TTC6: variants seen among roughly 807,000 people sequenced by gnomAD.
TTC6 encodes tetratricopeptide repeat protein 6.
Under a neutral mutation model 210.4 loss-of-function variants are expected in TTC6, and 172 were observed. The ratio of observed to expected loss-of-function variants is 0.82; its 90% CI spans 0.72 to 0.93. The LOEUF (loss-of-function observed/expected upper bound fraction) is 0.93, where lower values mean the gene tolerates loss of function less well. Ranked by LOEUF, TTC6 falls within the 40% of genes least tolerant of loss-of-function variation. TTC6 has a pLI of 0.00. For synonymous variants in TTC6, 804 were observed against 819.6 expected, an observed-to-expected ratio of 0.98 and a Z score of 0.32; for missense variants, 2,414 against 2,318.1, an observed-to-expected ratio of 1.04 and a Z score of -0.85.
intron 1 of TTC6, among the ~76,000 whole-genome samples, chr14:37,651,299 C>T (rs1165418783): frequency 6.8e-6 from 1 of 147,566 alleles, no homozygotes; most frequent in Non-Finnish European, 1.5e-5. Flanking sequence ...AGATTCCTGT[C>T]ATTATCCATT....
chr14:37,616,140 G>C (rs2095642283), intron 2 of TTC6, among the ~76,000 whole-genome samples: 1 of 152,188 alleles, frequency 6.6e-6, no homozygotes, highest in Admixed American at 6.5e-5. Flanking sequence ...CTTTGAGTTT[G>C]TCCTGCATAT....
chr14:37,841,728 G>A (rs914204497), intron 30 of TTC6, 58 bp downstream of exon 32: 5 of 1,349,244 alleles, frequency 3.7e-6, no homozygotes, highest in East Asian at 4.8e-5. Flanking sequence ...TTATTTTTAG[G>A]CTACAAAAGA....
intron 1 of TTC6, among the ~76,000 whole-genome samples, chr14:37,665,126 G>T (rs2095745268): frequency 6.7e-6 from 1 of 150,372 alleles, no homozygotes; most frequent in Non-Finnish European, 1.5e-5. Flanking sequence ...AATACCATTT[G>T]ACCCAGCAAT....
chr14:37,796,261 C>T (rs773230452), intron 18 of TTC6, 33 bp from the exon 21 acceptor site: 1 of 939,642 alleles, frequency 1.1e-6, no homozygotes, highest in Admixed American at 2.7e-5. Flanking sequence ...TAATTTTTAG[C>T]TGCTTAGAAT....
chr14:37,625,225 C>G (rs1297613069), intron 1 of TTC6, among the ~76,000 whole-genome samples: 1 of 151,990 alleles, frequency 6.6e-6, no homozygotes, highest in Non-Finnish European at 1.5e-5. Flanking sequence ...TGAAATGGCA[C>G]TGGGTGGTAG....
chr14:37,653,428 C>T (rs1211494472), intron 1 of TTC6, among the ~76,000 whole-genome samples: 1 of 152,140 alleles, frequency 6.6e-6, no homozygotes, highest in Non-Finnish European at 1.5e-5. Flanking sequence ...GGGGTCTGGA[C>T]TGATTGTCTT....
chr14:37,824,948 A>G (rs1170606735), intron 27 of TTC6, among the ~76,000 whole-genome samples: 1 of 152,132 alleles, frequency 6.6e-6, no homozygotes, highest in Non-Finnish European at 1.5e-5. Context: ...TGTGAATTGC[A>G]TTAATAGGAG....
At chr14:37,782,824 G>A (rs968108923) in intron 14 of TTC6, among the ~76,000 whole-genome samples, 12 of 152,178 alleles carry the variant, frequency 7.9e-5, no homozygotes, top group African/African-American at 2.2e-4. Context: ...TTTATTTAGC[G>A]TTTTTAGCAT....
chr14:37,817,605 C>T (rs372277902), exon 26 of TTC6: 97 of 1,613,922 alleles, frequency 6.0e-5, no homozygotes, highest in Admixed American at 3.0e-4. Context: ...ACTGATAAGC[C>T]GGACTAACGG....
chr14:37,666,446 C>CAAA lies in TTC6; in HGVS notation c.940-13691_940-13689dup, dbSNP rs11416752. Among the ~76,000 whole-genome samples the CAAA allele has an allele frequency of 2.6e-3, 318 of 122,084 alleles. 6 individuals carry two copies. The highest frequency in any genetic ancestry group is 8.7e-3 in the African/African-American group (301 of 34,460). 80.1% of individuals were successfully genotyped at this position (122,084 alleles called of 152,430 possible). ...TGAGCAACATAGTGAGGCCCTGTCT[C>CAAA]AAAAAAAAAAAAAAAAGATGAAAGC... On this transcript the variant is annotated intron_variant, in intron 1 of 30. Coordinates refer to ENST00000553443, the Ensembl canonical transcript of TTC6.
At chr14:37,735,870 T>C in intron 7 of TTC6, 51 bp from the exon 10 acceptor site, 1 of 1,183,532 alleles carries the variant, frequency 8.4e-7, no homozygotes, top group South Asian at 1.4e-5. Flanking sequence ...ATCATAGGCT[T>C]TTAAAAAGTA....
chr14:37,760,471 C>A (rs1043669355), intron 14 of TTC6, among the ~76,000 whole-genome samples: 5 of 152,200 alleles, frequency 3.3e-5, no homozygotes, highest in African/African-American at 9.6e-5. Flanking sequence ...AAAGGAGGCA[C>A]AGGGGTCAGG....
At chr14:37,753,287 C>T (rs1595200361) in intron 14 of TTC6, 52 bp downstream of exon 16, 1 of 1,416,898 alleles carries the variant, frequency 7.1e-7, no homozygotes. Context: ...ATTTGAAATA[C>T]ATTTTCAGAA....
intron 20 of TTC6, among the ~76,000 whole-genome samples, chr14:37,798,364 A>G (rs1376887694): frequency 6.8e-6 from 1 of 146,570 alleles, no homozygotes; most frequent in Non-Finnish European, 1.5e-5. Flanking sequence ...GTTTTTTTTC[A>G]TAGTTTTTGC....
At chr14:37,739,179 T>C (rs1242753917) in intron 10 of TTC6, 24 bp downstream of exon 12, 3 of 1,465,696 alleles carry the variant, frequency 2.0e-6, no homozygotes, top group South Asian at 2.8e-5. Context: ...GATTTTCTTA[T>C]AGTTTAAGAA....
At chr14:37,732,688 G>A (rs2095890538) in intron 7 of TTC6, among the ~76,000 whole-genome samples, 1 of 151,490 alleles carries the variant, frequency 6.6e-6, no homozygotes, top group East Asian at 2.0e-4. Flanking sequence ...GCACAATCTC[G>A]GCTCACTGCA....
chr14:37,699,479 G>C (rs1455923546), intron 4 of TTC6, among the ~76,000 whole-genome samples: 1 of 152,208 alleles, frequency 6.6e-6, no homozygotes, highest in African/African-American at 2.4e-5. Context: ...TAAGTCCAAA[G>C]TCTAGGAGCC....
At chr14:37,787,364 C>T in intron 14 of TTC6, 104 bp from the exon 17 acceptor site, 3 of 850,468 alleles carry the variant, frequency 3.5e-6, no homozygotes, top group Non-Finnish European at 5.0e-6. Context: ...CAAGGAGAAA[C>T]ATTTACAAAT....
intron 1 of TTC6, among the ~76,000 whole-genome samples, chr14:37,657,425 A>G (rs1394998680): frequency 6.6e-6 from 1 of 151,806 alleles, no homozygotes; most frequent in African/African-American, 2.4e-5. Context: ...TGCGTGGGGA[A>G]CTACCCAGGA....
Sources: allele counts gnomAD v4.1 joint callset (sites outside exome capture counted in the v4.1 genomes callset), GRCh38; gene constraint gnomAD v4.1.1; transcripts MANE v1.5; gene names NCBI Gene and HGNC (gene_info 2026-07-23, HGNC 2026-07-21).